SPHKAP: variants seen among roughly 807,000 people sequenced by gnomAD.
SPHKAP encodes SPHK1 interactor, AKAP domain containing, also known as A-kinase anchor protein SPHKAP.
In SPHKAP, 67 loss-of-function variants were observed where a neutral mutation model predicts 137.5. The observed-to-expected ratio is 0.49, with a 90% CI of 0.40 to 0.60. The LOEUF (loss-of-function observed/expected upper bound fraction) is 0.60, where lower values mean the gene tolerates loss of function less well. Ranked by LOEUF, SPHKAP falls within the 20% of genes least tolerant of loss-of-function variation. The probability of loss-of-function intolerance (pLI) is 0.00; values close to 1 mark genes in which losing one functional copy is unlikely to be tolerated. For synonymous variants in SPHKAP, 813 were observed against 785.3 expected, an observed-to-expected ratio of 1.04 and a Z score of -0.59; for missense variants, 2,097 against 2,069.3, an observed-to-expected ratio of 1.01 and a Z score of -0.26.
chr2:228,047,466 C>CAAAAAA (rs1229956684), intron 3 of SPHKAP, among the ~76,000 whole-genome samples: 1 of 99,394 alleles, frequency 1.0e-5, no homozygotes, highest in Non-Finnish European at 2.0e-5. Flanking sequence ...AACTCCATCT[C>CAAAAAA]AAAAAAAAAA....
intron 2 of SPHKAP, chr2:228,131,760 T>A: frequency 5.1e-6 from 5 of 983,470 alleles, no homozygotes; most frequent in Non-Finnish European, 6.0e-6. Flanking sequence ...TGAGATAGTA[T>A]GGCAGTGGAG....
At position 228,048,464 on chromosome 2, in the gene SPHKAP, C is replaced by G. The variant is rs542636785; in HGVS notation, c.247-20921G>C. ...GGCTAGTCCTTGACCTCTAAATTCTCTTCTCTTTATCATGTAGAACTGTTT... is the reference window on the plus strand; with the variant it reads ...GGCTAGTCCTTGACCTCTAAATTCTGTTCTCTTTATCATGTAGAACTGTTT... On this transcript the variant is annotated intron_variant, in intron 3 of 11. Transcript: ENST00000392056. 1.2e-4 allele frequency among the ~76,000 whole-genome samples: 19 copies of G among 152,264 alleles called. 1 individual carries two copies. In the South Asian group the frequency reaches 3.7e-3, roughly 30 times the overall value.
chr2:228,090,345 T>C (rs1323771228), intron 3 of SPHKAP, among the ~76,000 whole-genome samples: 1 of 152,238 alleles, frequency 6.6e-6, no homozygotes, highest in African/African-American at 2.4e-5. Context: ...GTTTACCCAA[T>C]GTCTGTACCT....
At chr2:227,995,749 G>C (rs1451597554) in intron 7 of SPHKAP, 55 bp from the exon 8 acceptor site, 51 of 1,398,468 alleles carry the variant, frequency 3.6e-5, no homozygotes, top group East Asian at 3.4e-4. Context: ...CACACACACA[G>C]AAACTTCACA....
At chr2:228,030,526 A>AAC (rs1559356941) in intron 3 of SPHKAP, among the ~76,000 whole-genome samples, 11 of 112,424 alleles carry the variant, frequency 9.8e-5, no homozygotes, top group African/African-American at 4.1e-4. Context: ...AAAAAAAAAA[A>AAC]AAAAAACAAC....
intron 7 of SPHKAP, among the ~76,000 whole-genome samples, chr2:228,011,034 A>G (rs1347412261): frequency 1.3e-5 from 2 of 152,128 alleles, no homozygotes; most frequent in South Asian, 2.1e-4. Flanking sequence ...CAGAGATTTT[A>G]CTTTTGTCTC....
chr2:228,021,811 C>G lies in SPHKAP; in HGVS notation c.597G>C (p.Leu199=), dbSNP rs555883155. Residue 199 remains leucine, a synonymous_variant, in exon 6 of 12, where the codon CTG becomes CTC. Transcript: ENST00000392056. ...ATAAGGAACAGTTCGTGTCATCCTC[C>G]AGTTTCAAGATGTTTGTTTCCAGGT... The part of the protein sequence containing the change: ...QLHLETNILK[L]EDDTNCSLSS... The G allele has an allele frequency of 8.7e-6, 14 of 1,614,024 alleles. No individual in the cohort carries two copies. Among genetic ancestry groups the G allele is most frequent in the African/African-American group, 2.7e-5 (2 of 74,922 alleles).
intron 3 of SPHKAP, among the ~76,000 whole-genome samples, chr2:228,084,402 A>T (rs1697473748): frequency 6.6e-6 from 1 of 152,148 alleles, no homozygotes; most frequent in Non-Finnish European, 1.5e-5. Flanking sequence ...GGCTGCATAA[A>T]TTTTTCCTAT....
intron 11 of SPHKAP, among the ~76,000 whole-genome samples, chr2:227,990,437 G>A (rs912834303): frequency 4.6e-5 from 7 of 152,160 alleles, no homozygotes; most frequent in East Asian, 1.9e-4. Flanking sequence ...AGATTCTACC[G>A]CAGTTAATGG....
intron 3 of SPHKAP, among the ~76,000 whole-genome samples, chr2:228,064,605 C>T (rs190521867): frequency 1.3e-5 from 2 of 152,152 alleles, no homozygotes; most frequent in East Asian, 3.9e-4. Flanking sequence ...CCTTTCTTGC[C>T]CCTGTTGGTA....
At chr2:228,055,374 A>G (rs1696401785) in intron 3 of SPHKAP, among the ~76,000 whole-genome samples, 2 of 152,190 alleles carry the variant, frequency 1.3e-5, no homozygotes, top group Admixed American at 6.5e-5. Flanking sequence ...TAGTATGAGT[A>G]TGAAATGCCA....
intron 3 of SPHKAP, among the ~76,000 whole-genome samples, chr2:228,074,603 A>C (rs1443622114): frequency 6.6e-6 from 1 of 152,112 alleles, no homozygotes; most frequent in Non-Finnish European, 1.5e-5. Flanking sequence ...CACCCTTGAC[A>C]CGTGGGGATT....
At chr2:228,092,639 T>A (rs1405286100) in intron 3 of SPHKAP, among the ~76,000 whole-genome samples, 1 of 148,200 alleles carries the variant, frequency 6.7e-6, no homozygotes, top group Non-Finnish European at 1.5e-5. Context: ...ATATTATATG[T>A]GTATATATGT....
intron 3 of SPHKAP, among the ~76,000 whole-genome samples, chr2:228,068,963 C>T (rs1209566963): frequency 3.9e-5 from 6 of 152,200 alleles, no homozygotes; most frequent in Non-Finnish European, 8.8e-5. Flanking sequence ...GCCCTAGCAT[C>T]TCCCTCACCC....
At position 228,135,450 on chromosome 2, in the gene SPHKAP, T is replaced by G. The variant is rs184325838; in HGVS notation, c.33-3365A>C. On this transcript the variant is annotated intron_variant, in intron 1 of 11. Coordinates refer to ENST00000392056, the MANE Select transcript of SPHKAP (RefSeq NM_001142644.2). Reference sequence around the variant, plus strand: ...TTATTTGCCCATGAAGCACTTTTATTTATGGCTTTAGATAGACAATCTGCT... The same window carrying G: ...TTATTTGCCCATGAAGCACTTTTATGTATGGCTTTAGATAGACAATCTGCT... Among the ~76,000 whole-genome samples, 172 of 152,276 alleles carry G rather than the reference T, an allele frequency of 1.1e-3. 1 individual carries two copies. The Middle Eastern group carries it at 0.014, about 12-fold the overall frequency.
intron 3 of SPHKAP, among the ~76,000 whole-genome samples, chr2:228,045,665 G>A (rs1172362545): frequency 6.6e-6 from 1 of 151,810 alleles, no homozygotes; most frequent in African/African-American, 2.4e-5. Context: ...GAGTTAATGG[G>A]TGCAGCACAC....
chr2:228,175,190 A>G (rs1438353738), intron 1 of SPHKAP, among the ~76,000 whole-genome samples: 3 of 152,136 alleles, frequency 2.0e-5, no homozygotes, highest in Non-Finnish European at 2.9e-5. Flanking sequence ...ATTAATAAGC[A>G]TGAAGTCACA....
At chr2:227,992,592 T>C (rs1478811337) in intron 9 of SPHKAP, among the ~76,000 whole-genome samples, 1 of 152,184 alleles carries the variant, frequency 6.6e-6, no homozygotes, top group Non-Finnish European at 1.5e-5. Flanking sequence ...TTTTGGTTTT[T>C]GGTTTCTCCT....
intron 2 of SPHKAP, 26 bp from the exon 3 acceptor site, chr2:228,108,965 T>C (rs1698428104): frequency 6.7e-7 from 1 of 1,485,290 alleles, no homozygotes; most frequent in Non-Finnish European, 9.1e-7. Flanking sequence ...AAAACTCAGT[T>C]CTTATTCGGC....
Sources: gnomAD v4.1 joint callset for allele counts (sites outside exome capture counted in the v4.1 genomes callset) on GRCh38, gnomAD v4.1.1 for gene constraint, MANE v1.5 for transcripts, NCBI Gene and HGNC (gene_info 2026-07-23, HGNC 2026-07-21) for gene names.